Variants in NXN observed in about 807,000 individuals in gnomAD.
NXN encodes the protein nucleoredoxin 1.
In NXN, 16 loss-of-function variants were observed where a neutral mutation model predicts 48.6. The observed-to-expected ratio is 0.33, with a 90% confidence interval of 0.22 to 0.50. The LOEUF is 0.50. Among genes scored for constraint, NXN ranks in the 20% least tolerant of loss-of-function variants. The pLI, the probability that NXN is intolerant of heterozygous loss-of-function variation, is 0.98. For missense variants in NXN, 492 were observed against 605.5 expected, an observed-to-expected ratio of 0.81 and a Z score of 1.97; for synonymous variants, 281 against 269.6, an observed-to-expected ratio of 1.04 and a Z score of -0.41.
chr17:953,310 G>T (rs925834952), intron 1 of NXN, among the ~76,000 whole-genome samples: 1 of 152,174 alleles, frequency 6.6e-6, no homozygotes, highest in African/African-American at 2.4e-5. Context: ...AGCTACTTGG[G>T]AGGCTGAGGC....
intron 1 of NXN, among the ~76,000 whole-genome samples, chr17:847,634 C>G (rs766114590): frequency 6.6e-6 from 1 of 152,164 alleles, no homozygotes; most frequent in East Asian, 1.9e-4. Flanking sequence ...AAACTGTGAC[C>G]ACCCAGTACC....
intron 1 of NXN, among the ~76,000 whole-genome samples, chr17:893,756 ATCTC>A: frequency 4.0e-5 from 1 of 24,952 alleles, no homozygotes; most frequent in Non-Finnish European, 7.1e-5. Context: ...CAGAGGAAGC[ATCTC>A]AACTCCCTGG....
chr17:821,972 C>T (rs1912842988), intron 4 of NXN, among the ~76,000 whole-genome samples: 2 of 151,968 alleles, frequency 1.3e-5, no homozygotes, highest in Non-Finnish European at 2.9e-5. Flanking sequence ...CCTCAGCTCC[C>T]CTTCAGACGA....
chr17:973,359 G>A (rs1000134189), intron 1 of NXN, among the ~76,000 whole-genome samples: 1 of 152,202 alleles, frequency 6.6e-6, no homozygotes, highest in Admixed American at 6.5e-5. Context: ...ACACCGCCCA[G>A]AGTTAAGCAA....
rs188484410 is a variant in NXN at position 907,408 on chromosome 17, C to T, written c.360+71911G>A. On this transcript the variant is annotated intron_variant, in intron 1 of 7. Coordinates refer to ENST00000336868, the MANE Select transcript of NXN (RefSeq NM_022463.5). The stretch of plus-strand genomic sequence containing the variant: ...AAGCTGGAGTGCACTGGAGTGATCT[C>T]AGCTCACTGCAAGCTCCGCCTCCCG... Among the ~76,000 whole-genome samples, 22 of 151,492 alleles carry T rather than the reference C, an allele frequency of 1.5e-4. 1 individual carries two copies. The East Asian group carries it at 4.1e-3, about 28-fold the overall frequency.
intron 1 of NXN, among the ~76,000 whole-genome samples, chr17:850,457 A>G (rs1041301824): frequency 5.9e-5 from 9 of 152,224 alleles, no homozygotes; most frequent in Admixed American, 4.6e-4. Context: ...AAGTCAGTCC[A>G]CTGCTCCGAC....
At chr17:887,298 C>T (rs1179365030) in intron 1 of NXN, among the ~76,000 whole-genome samples, 6 of 152,154 alleles carry the variant, frequency 3.9e-5, no homozygotes, top group Non-Finnish European at 5.9e-5. Context: ...GCCACAGCGA[C>T]GAAGGTTTGG....
intron 1 of NXN, among the ~76,000 whole-genome samples, chr17:885,394 T>C (rs1207026782): frequency 6.6e-6 from 1 of 151,702 alleles, no homozygotes; most frequent in Non-Finnish European, 1.5e-5. Context: ...GGAGAATCAC[T>C]TGAACCCGGG....
intron 5 of NXN, among the ~76,000 whole-genome samples, chr17:816,270 G>T (rs371539931): frequency 6.6e-6 from 1 of 152,130 alleles, no homozygotes; most frequent in African/African-American, 2.4e-5. Flanking sequence ...CCATGGATTA[G>T]AAGGACAAAG....
chr17:901,906 G>A (rs952146546), intron 1 of NXN, among the ~76,000 whole-genome samples: 7 of 152,054 alleles, frequency 4.6e-5, no homozygotes, highest in African/African-American at 1.7e-4. Flanking sequence ...CGCCATGATG[G>A]CCAGGCTGGT....
At chr17:901,630 A>C (rs1347862773) in intron 1 of NXN, among the ~76,000 whole-genome samples, 1 of 152,128 alleles carries the variant, frequency 6.6e-6, no homozygotes, top group Non-Finnish European at 1.5e-5. Context: ...TCTAAATCTA[A>C]ATCGATGGCA....
At chr17:945,674 G>A (rs1295320913) in intron 1 of NXN, among the ~76,000 whole-genome samples, 1 of 150,766 alleles carries the variant, frequency 6.6e-6, no homozygotes, top group Non-Finnish European at 1.5e-5. Context: ...AGAGTTAGAT[G>A]TTAAACATCA....
At chr17:891,705 CAGCCCAACAGG>C (rs2068418488) in intron 1 of NXN, among the ~76,000 whole-genome samples, 1 of 152,114 alleles carries the variant, frequency 6.6e-6, no homozygotes. Context: ...TCACCATGCA[CAGCCCAACAGG>C]GAACCTAAGC....
In NXN at chr17:799,528, A is replaced by C. The variant is rs2144545631; in HGVS notation, c.*1421T>G. 1 of 152,468 alleles carries C rather than the reference A, an allele frequency of 6.6e-6. No individual in the cohort carries two copies. The highest frequency in any genetic ancestry group is 2.1e-4 in the South Asian group (1 of 4,828). The allele number at this position is 152,468 out of a possible 1,614,324, so 9.4% of individuals were successfully genotyped here. The stretch of plus-strand genomic sequence containing the variant: ...GGGTGGGGACCGGATTTTCCAAATC[A>C]ATGGTCTTGGCTGGCAGAGTGCTGA... On this transcript the variant is annotated 3_prime_UTR_variant, in exon 8 of 8. Transcript: ENST00000336868.
At chr17:908,343 C>T (rs1046153208) in intron 1 of NXN, among the ~76,000 whole-genome samples, 1 of 152,028 alleles carries the variant, frequency 6.6e-6, no homozygotes, top group African/African-American at 2.4e-5. Context: ...TGAGACCAGC[C>T]TGGCCAACAT....
At position 979,591 on chromosome 17, in the gene NXN, C is replaced by A. The variant is rs2054413315; in HGVS notation, c.88G>T (p.Gly30Cys). 2 of 1,443,854 alleles carry A rather than the reference C, an allele frequency of 1.4e-6. No homozygotes were observed. Among genetic ancestry groups the A allele is most frequent in the Non-Finnish European group, 1.8e-6 (2 of 1,097,746 alleles). The allele number at this position is 1,443,854 out of a possible 1,614,324, so 89.4% of individuals were successfully genotyped here. ...EVDVHSLGAR[G>C]ISLLGLYFGC... ...AAGTAGAGACCCAGCAGCGAGATGC[C>A]GCGGGCGCCCAGCGAGTGCACGTCC... is the stretch of plus-strand genomic sequence containing the variant. The change falls in exon 1 of 8, where the codon GGC becomes TGC. Residue 30 changes from glycine (G) to cysteine (C), a missense_variant. Physicochemically the swap from Gly to Cys is radical, Grantham distance 159. Transcript: ENST00000336868.
chr17:905,945 C>T (rs2068577579), intron 1 of NXN, among the ~76,000 whole-genome samples: 1 of 150,806 alleles, frequency 6.6e-6, no homozygotes, highest in Non-Finnish European at 1.5e-5. Flanking sequence ...CCATTGTACT[C>T]CAGCCTGAAC....
chr17:937,929 G>A (rs550668538), intron 1 of NXN, among the ~76,000 whole-genome samples: 1 of 152,376 alleles, frequency 6.6e-6, no homozygotes, highest in African/African-American at 2.4e-5. Flanking sequence ...GAAGAAAAAC[G>A]CTGCGCCCAG....
At chr17:847,477 A>C (rs1378411872) in intron 1 of NXN, among the ~76,000 whole-genome samples, 1 of 152,148 alleles carries the variant, frequency 6.6e-6, no homozygotes, top group East Asian at 1.9e-4. Context: ...GGCTTTCTCT[A>C]AATTGGCCTG....
Sources: gnomAD v4.1 joint callset for allele counts (sites outside exome capture counted in the v4.1 genomes callset) on GRCh38, gnomAD v4.1.1 for gene constraint, MANE v1.5 for transcripts, NCBI Gene and HGNC (gene_info 2026-07-23, HGNC 2026-07-21) for gene names.